The following TRPC7 variants were observed in gnomAD, a reference collection of about 807,000 sequenced individuals.
TRPC7 encodes the protein transient receptor potential cation channel subfamily C member 7, also known as short transient receptor potential channel 7.
A neutral mutation model predicts 90.1 loss-of-function variants in TRPC7; 42 were observed. The observed-to-expected ratio is 0.47, with a 90% CI of 0.36 to 0.60. TRPC7 has a LOEUF of 0.60. Ranked by LOEUF, TRPC7 falls within the 20% of genes least tolerant of loss-of-function variation. The probability of loss-of-function intolerance (pLI) is 0.00; values close to 1 mark genes in which losing one functional copy is unlikely to be tolerated. For synonymous variants in TRPC7, 451 were observed against 436.3 expected (o/e 1.03, Z -0.42); for missense variants, 955 against 1,112.3 (o/e 0.86, Z 2.01).
intron 3 of TRPC7, among the ~76,000 whole-genome samples, chr5:136,294,827 G>A (rs1394027521): frequency 3.9e-5 from 6 of 152,220 alleles, no homozygotes; most frequent in Non-Finnish European, 7.3e-5. Flanking sequence ...CTGCTATAAA[G>A]ACACATGCAC....
At chr5:136,251,540 T>C in intron 6 of TRPC7, 109 bp downstream of exon 6, 3 of 893,648 alleles carry the variant, frequency 3.4e-6, no homozygotes, top group Admixed American at 4.8e-5. Flanking sequence ...TTACAAATCA[T>C]GGGCCACTTG....
intron 2 of TRPC7, among the ~76,000 whole-genome samples, chr5:136,354,480 C>T (rs1760299535): frequency 6.6e-6 from 1 of 152,162 alleles, no homozygotes; most frequent in Non-Finnish European, 1.5e-5. Context: ...CTCCTGTTGG[C>T]CTGGCCTTTC....
chr5:136,320,453 G>T (rs113886732), intron 2 of TRPC7, among the ~76,000 whole-genome samples: 12 of 152,112 alleles, frequency 7.9e-5, no homozygotes, highest in Non-Finnish European at 1.6e-4. Flanking sequence ...CTGTACACCC[G>T]CTCCAAAGGC....
rs373924272 is a variant in TRPC7, at chr5:136,318,844, GT to G, written c.781-3066del. Reference sequence around the variant, plus strand: ...CTGACTGTACCTCCTTTTCACTGTTGTTTTTTTTTTACCCACCTTATGTCAC... The same window carrying G: ...CTGACTGTACCTCCTTTTCACTGTTGTTTTTTTTTACCCACCTTATGTCAC... On this transcript the variant is annotated intron_variant, in intron 2 of 11. Transcript: ENST00000513104. Among the ~76,000 whole-genome samples, 521 of 148,480 alleles carry G rather than the reference GT, an allele frequency of 3.5e-3. 1 individual carries two copies. The highest frequency in any genetic ancestry group is 0.012 in the African/African-American group (473 of 40,502).
At chr5:136,287,560 G>A (rs1267630126) in intron 3 of TRPC7, among the ~76,000 whole-genome samples, 1 of 151,886 alleles carries the variant, frequency 6.6e-6, no homozygotes, top group Non-Finnish European at 1.5e-5. Context: ...CCTGAAGAGG[G>A]CCCTAGCACC....
chr5:136,233,088 G>C (rs1042801770), intron 7 of TRPC7, among the ~76,000 whole-genome samples: 3 of 152,176 alleles, frequency 2.0e-5, no homozygotes, highest in African/African-American at 7.2e-5. Context: ...GTGTATCTGT[G>C]TGTGCGTGTG....
Position 136,274,711 on chromosome 5 carries a change from A to G in TRPC7, c.1090T>C (p.Phe364Leu), listed in dbSNP as rs1317118107. The G allele has an allele frequency of 6.2e-7, 1 of 1,613,624 alleles. No homozygotes were observed. The part of the protein sequence containing the change: ...AVFGVSIGLP[F>L]LAIAYWIAPC... Reference sequence around the variant, plus strand: ...GCAATCCAATAGGCTATGGCGAGAAAAGGGAGGCCTATGGAGACTCCAAAG... The same window carrying G: ...GCAATCCAATAGGCTATGGCGAGAAGAGGGAGGCCTATGGAGACTCCAAAG... Residue 364 changes from phenylalanine to leucine, a missense_variant, in exon 4 of 12, where the codon TTT (phenylalanine) becomes CTT (leucine). Physicochemically the swap from Phe to Leu is conservative, Grantham distance 22. Coordinates refer to ENST00000513104, the MANE Select transcript of TRPC7 (RefSeq NM_020389.3).
At chr5:136,326,107 G>A (rs1759335565) in intron 2 of TRPC7, among the ~76,000 whole-genome samples, 2 of 152,212 alleles carry the variant, frequency 1.3e-5, no homozygotes, top group African/African-American at 2.4e-5. Context: ...TTAAAACCCA[G>A]AAAACTTTGT....
intron 5 of TRPC7, among the ~76,000 whole-genome samples, chr5:136,263,508 C>T (rs935551728): frequency 7.2e-5 from 11 of 152,032 alleles, no homozygotes; most frequent in Non-Finnish European, 1.6e-4. Flanking sequence ...CCAGGAATGA[C>T]AGAAATGATG....
chr5:136,308,286 GGAA>G (rs1282698680), intron 3 of TRPC7, among the ~76,000 whole-genome samples: 2 of 152,218 alleles, frequency 1.3e-5, no homozygotes, highest in South Asian at 4.1e-4. Flanking sequence ...CGAGATCCAC[GGAA>G]GTGCTTAGAG....
intron 2 of TRPC7, among the ~76,000 whole-genome samples, chr5:136,338,526 C>T (rs894499997): frequency 6.6e-6 from 1 of 152,118 alleles, no homozygotes; most frequent in African/African-American, 2.4e-5. Context: ...ATCGCTCAGG[C>T]GGGACATGTT....
At chr5:136,269,394 C>T (rs1329958443) in intron 4 of TRPC7, among the ~76,000 whole-genome samples, 3 of 152,206 alleles carry the variant, frequency 2.0e-5, no homozygotes, top group African/African-American at 7.2e-5. Flanking sequence ...CCTGCGTTTA[C>T]TGGTCAGCAC....
At position 136,327,647 on chromosome 5, in the gene TRPC7, T is replaced by G. The variant is rs1759381738; in HGVS notation, c.781-11868A>C. Reference sequence around the variant, plus strand: ...TCACGTGCAGGTTCTGAGGGGTGACTTGGGAGACAGTGGCTTCCCACGGTG... The same window carrying G: ...TCACGTGCAGGTTCTGAGGGGTGACGTGGGAGACAGTGGCTTCCCACGGTG... On this transcript the variant is annotated intron_variant, in intron 2 of 11. Transcript: ENST00000513104. Among the ~76,000 whole-genome samples the G allele has an allele frequency of 2.0e-5, 3 of 152,166 alleles. 1 individual carries two copies. In the South Asian group the frequency reaches 6.2e-4, roughly 32 times the overall value.
intron 2 of TRPC7, among the ~76,000 whole-genome samples, chr5:136,354,064 T>C (rs889206859): frequency 1.3e-4 from 20 of 152,230 alleles, no homozygotes; most frequent in Non-Finnish European, 2.6e-4. Flanking sequence ...CCAGATAATC[T>C]GATCCAAAAA....
chr5:136,342,385 C>T (rs375305820), intron 2 of TRPC7, among the ~76,000 whole-genome samples: 3 of 152,310 alleles, frequency 2.0e-5, no homozygotes, highest in East Asian at 3.9e-4. Context: ...GAAAGATCCT[C>T]TTGAAAAACG....
chr5:136,230,081 A>G (rs1198446860), intron 8 of TRPC7, among the ~76,000 whole-genome samples: 1 of 152,246 alleles, frequency 6.6e-6, no homozygotes, highest in Non-Finnish European at 1.5e-5. Context: ...ACCTTATTCT[A>G]AAGTGTGACT....
At position 136,315,782 on chromosome 5, in the gene TRPC7, A is replaced by G; in HGVS notation, c.781-3T>C. Reference sequence around the variant, plus strand: ...ATAGATAACTTCCTGTAATCGTTCTAACAGAATAGAGAGAAATCAGCGGTA... The same window carrying G: ...ATAGATAACTTCCTGTAATCGTTCTGACAGAATAGAGAGAAATCAGCGGTA... On this transcript the variant is annotated splice_polypyrimidine_tract_variant and splice_region_variant and intron_variant, in intron 2 of 11. Coordinates refer to ENST00000513104, the MANE Select transcript of TRPC7 (RefSeq NM_020389.3). The G allele has an allele frequency of 6.2e-7, 1 of 1,612,638 alleles. No individual in the cohort carries two copies. Among genetic ancestry groups the G allele is most frequent in the Non-Finnish European group, 8.5e-7 (1 of 1,178,924 alleles).
At chr5:136,357,469 A>G in intron 1 of TRPC7, 84 bp from the exon 2 acceptor site, 1 of 1,338,540 alleles carries the variant, frequency 7.5e-7, no homozygotes, top group Non-Finnish European at 1.0e-6. Context: ...AGATACACAA[A>G]GAATATCATG....
chr5:136,277,059 G>A (rs1394188060), intron 3 of TRPC7, among the ~76,000 whole-genome samples: 1 of 152,236 alleles, frequency 6.6e-6, no homozygotes, highest in Middle Eastern at 3.2e-3. Flanking sequence ...AAGGATGCCT[G>A]TCACAATCCC....
Sources: gnomAD v4.1 joint callset for allele counts (sites outside exome capture counted in the v4.1 genomes callset) on GRCh38, gnomAD v4.1.1 for gene constraint, MANE v1.5 for transcripts, NCBI Gene and HGNC (gene_info 2026-07-23, HGNC 2026-07-21) for gene names.